MCM3AP: variants seen among roughly 807,000 people sequenced by gnomAD.
The protein encoded by MCM3AP is minichromosome maintenance complex component 3 associated protein.
MCM3AP carries 126 observed loss-of-function variants against 184.1 expected under a neutral mutation model. The observed-to-expected ratio is 0.68, with a 90% CI of 0.59 to 0.79. The LOEUF (loss-of-function observed/expected upper bound fraction) is 0.79, where lower values mean the gene tolerates loss of function less well. Ranked by LOEUF, MCM3AP falls within the 30% of genes least tolerant of loss-of-function variation. MCM3AP has a pLI of 0.00. For missense variants in MCM3AP, 2,496 were observed against 2,479.2 expected (o/e 1.01, Z -0.14); for synonymous variants, 1,002 against 979.3 (o/e 1.02, Z -0.43).
At chr21:46,248,095 CAGA>C (rs1277320765) in intron 20 of MCM3AP, among the ~76,000 whole-genome samples, 2 of 152,300 alleles carry the variant, frequency 1.3e-5, no homozygotes, top group South Asian at 4.1e-4. Flanking sequence ...CTAAAGGCTG[CAGA>C]TGTGGGTGTG....
At chr21:46,273,676 A>C (rs1018405025) in intron 6 of MCM3AP, 91 bp from the exon 7 acceptor site, 4 of 850,422 alleles carry the variant, frequency 4.7e-6, no homozygotes, top group Non-Finnish European at 7.7e-6. Context: ...AATCACATAC[A>C]CACCCACACA....
intron 18 of MCM3AP, 89 bp downstream of exon 18, chr21:46,254,687 G>T: frequency 7.0e-7 from 1 of 1,429,400 alleles, no homozygotes; most frequent in Non-Finnish European, 9.8e-7. Context: ...AGAGACCTCA[G>T]TTGGAGATGC....
At chr21:46,265,826 A>C in intron 11 of MCM3AP, 99 bp downstream of exon 11, 1 of 1,410,438 alleles carries the variant, frequency 7.1e-7, no homozygotes. Context: ...GGCTCCTGGG[A>C]GGCGTCCTGG....
In MCM3AP at chr21:46,283,807, A is replaced by G. The variant is rs1326973576; in HGVS notation, c.1251T>C (p.Ser417=). Residue 417 remains serine (S), a synonymous_variant, in exon 2 of 28, where the codon AGT becomes AGC. Transcript: ENST00000291688. ...GACTGTCTGTGCTCTCGCTTCTGTT[A>G]CTCTGACGCGCCGGAGTTCCTCTTA... is the stretch of plus-strand genomic sequence containing the variant. The part of the protein sequence containing the change: ...DSLRGTPARQ[S]NRSESTDSLG... The G allele has an allele frequency of 6.2e-7, 1 of 1,613,692 alleles. No homozygotes were observed. Among genetic ancestry groups the G allele is most frequent in the African/African-American group, 1.3e-5 (1 of 75,006 alleles).
intron 20 of MCM3AP, chr21:46,251,122 T>C (rs1427942511): frequency 6.5e-6 from 1 of 154,612 alleles, no homozygotes; most frequent in Non-Finnish European, 1.4e-5. Flanking sequence ...GTAGATGAAA[T>C]GTGACTTTGT....
intron 16 of MCM3AP, among the ~76,000 whole-genome samples, 180 bp downstream of exon 16, chr21:46,258,759 A>G (rs200828884): frequency 4.0e-5 from 3 of 75,948 alleles, no homozygotes; most frequent in Admixed American, 1.5e-4. Flanking sequence ...GTGTGTGTGT[A>G]ATCAAGTATT....
chr21:46,266,944 G>C, intron 10 of MCM3AP, 38 bp downstream of exon 10: 1 of 1,608,290 alleles, frequency 6.2e-7, no homozygotes, highest in Non-Finnish European at 8.5e-7. Context: ...CAAGAAAAAA[G>C]GAGACAGGGG....
chr21:46,245,311 G>A (rs1569054890), intron 22 of MCM3AP, 114 bp from the exon 23 acceptor site: 1 of 906,148 alleles, frequency 1.1e-6, no homozygotes, highest in Non-Finnish European at 1.7e-6. Context: ...AGAGTACTGG[G>A]CTCTCAACTG....
At chr21:46,266,860 T>C in intron 10 of MCM3AP, 122 bp downstream of exon 10, 1 of 1,069,040 alleles carries the variant, frequency 9.4e-7, no homozygotes. Flanking sequence ...TGTGTTCACC[T>C]GCATGGCAGA....
At position 46,235,430 on chromosome 21, in the gene MCM3AP, T is replaced by C. The variant is rs1446893496; in HGVS notation, c.5785-4A>G. 2 of 1,613,760 alleles carry C rather than the reference T, an allele frequency of 1.2e-6. No homozygotes were observed. Among genetic ancestry groups the C allele is most frequent in the South Asian group, 2.2e-5 (2 of 91,042 alleles). ...GTTGCTCCCTCATCATGTCACTCTA[T>C]TTGAATAAAAAAGAAACTGAACAGT... On this transcript the variant is annotated splice_region_variant and splice_polypyrimidine_tract_variant and intron_variant, in intron 27 of 27. Coordinates refer to ENST00000291688, the MANE Select transcript of MCM3AP (RefSeq NM_003906.5).
chr21:46,243,722 G>T lies in MCM3AP; in HGVS notation c.5039C>A (p.Ala1680Asp), dbSNP rs1354147091. 6.2e-7 allele frequency: 1 copy of T among 1,613,484 alleles called. No individual in the cohort carries two copies. The highest frequency in any genetic ancestry group is 1.7e-5 in the Admixed American group (1 of 59,952). ...CATGGAGCACACGGGGAGCCAGGGGGCTGGGGAGAAAGTGCCTCATTAGTT... is the reference window on the plus strand; with the variant it reads ...CATGGAGCACACGGGGAGCCAGGGGTCTGGGGAGAAAGTGCCTCATTAGTT... Reference protein sequence around the residue: ...LPQMDLPPLGAPWLPVCSMVV... With the variant: ...LPQMDLPPLGDPWLPVCSMVV... The change falls in exon 24 of 28, where the codon GCC (alanine) becomes GAC (aspartate). Residue 1680 changes from alanine (A) to aspartate (D), a missense_variant and splice_region_variant. Ala to Asp is a moderately radical substitution (Grantham distance 126). This residue lies in a region of MCM3AP where 1,323 missense variants were observed against 1,273.4 expected (regional missense o/e 1.04). Coordinates refer to ENST00000291688, the MANE Select transcript of MCM3AP (RefSeq NM_003906.5).
intron 1 of MCM3AP, 69 bp from the exon 2 acceptor site, chr21:46,283,907 G>C (rs911297568): frequency 1.9e-6 from 3 of 1,546,264 alleles, no homozygotes; most frequent in African/African-American, 1.4e-5. Context: ...CAACTGTGTC[G>C]AAGCAGAGGA....
Position 46,246,704 on chromosome 21 carries a change from G to T in MCM3AP, c.4473C>A (p.Pro1491=). 6.2e-7 allele frequency: 1 copy of T among 1,614,226 alleles called. No homozygotes were observed. Among genetic ancestry groups the T allele is most frequent in the Non-Finnish European group, 8.5e-7 (1 of 1,180,034 alleles). The part of the protein sequence containing the change: ...LQLKQLLQAK[P]FQPALPLVVL... ...CCACCAGAGGAAGCGCAGGCTGGAA[G>T]GGCTTAGCCTGCAGGAGCTGCTTGA... is the stretch of plus-strand genomic sequence containing the variant. Residue 1491 remains proline (P), a synonymous_variant, in exon 21 of 28, where the codon CCC becomes CCA. Coordinates refer to ENST00000291688, the MANE Select transcript of MCM3AP (RefSeq NM_003906.5).
rs1460338428 is a variant in MCM3AP, at chr21:46,240,924, A to T, written c.5520T>A (p.Ala1840=). The change falls in exon 26 of 28, where the codon GCT becomes GCA. Residue 1840 remains alanine (A), a synonymous_variant. Coordinates refer to ENST00000291688, the MANE Select transcript of MCM3AP (RefSeq NM_003906.5). ...CTGTGCTGGGAATCCTCCCCTCTTG[A>T]GCACACTCTGTGCTCCTCTTCCAGT... ...HRNWKRSTEC[A]QEGRIPSTED... 5 of 1,614,046 alleles carry T rather than the reference A, an allele frequency of 3.1e-6. No homozygotes were observed. The highest frequency in any genetic ancestry group is 4.2e-6 in the Non-Finnish European group (5 of 1,180,006).
chr21:46,278,706 C>T (rs911324250), intron 4 of MCM3AP, among the ~76,000 whole-genome samples: 6 of 151,828 alleles, frequency 4.0e-5, no homozygotes, highest in Non-Finnish European at 8.8e-5. Context: ...TGGGGTCTCG[C>T]TCTGTTGCCC....
intron 21 of MCM3AP, 99 bp downstream of exon 21, chr21:46,246,529 T>C: frequency 6.5e-7 from 1 of 1,531,150 alleles, no homozygotes. Context: ...GCTGTCTCAG[T>C]GATTCCTGAC....
intron 27 of MCM3AP, among the ~76,000 whole-genome samples, chr21:46,235,913 A>C (rs574736593): frequency 6.6e-6 from 1 of 152,190 alleles, no homozygotes; most frequent in East Asian, 1.9e-4. Context: ...GATTACAGGC[A>C]TGAGCCACCA....
intron 9 of MCM3AP, among the ~76,000 whole-genome samples, chr21:46,269,024 C>G (rs1282204845): frequency 6.6e-6 from 1 of 152,072 alleles, no homozygotes; most frequent in East Asian, 1.9e-4. Context: ...GGCAACAGAG[C>G]GAGACTCCAT....
At chr21:46,278,318 G>A (rs536732895) in intron 4 of MCM3AP, among the ~76,000 whole-genome samples, 1 of 152,240 alleles carries the variant, frequency 6.6e-6, no homozygotes, top group Admixed American at 6.5e-5. Flanking sequence ...TTGGTAGAAG[G>A]ACATACTAAA....
Sources: gnomAD v4.1 joint callset for allele counts (sites outside exome capture counted in the v4.1 genomes callset) on GRCh38, gnomAD v4.1.1 for gene constraint, gnomAD v4.1.1 regional missense constraint, MANE v1.5 for transcripts, NCBI Gene and HGNC (gene_info 2026-07-23, HGNC 2026-07-21) for gene names.